The following KLHL29 variants were observed in gnomAD, a reference collection of about 807,000 sequenced individuals.
KLHL29 encodes the protein kelch like family member 29, also known as kelch-like protein 29.
In KLHL29, 21 loss-of-function variants were observed where a neutral mutation model predicts 80.4. That is an observed-to-expected ratio of 0.26 (90% CI 0.19 to 0.38). The LOEUF (loss-of-function observed/expected upper bound fraction) is 0.38. Ranked by LOEUF, KLHL29 falls within the 10% of genes least tolerant of loss-of-function variation. KLHL29 has a pLI of 1.00. For synonymous variants in KLHL29, 511 were observed against 526.8 expected (o/e 0.97, Z 0.41); for missense variants, 867 against 1,223.9 (o/e 0.71, Z 4.35).
chr2:23,628,965 C>T (rs1449080044), intron 3 of KLHL29, among the ~76,000 whole-genome samples: 1 of 152,204 alleles, frequency 6.6e-6, no homozygotes, highest in East Asian at 1.9e-4. Context: ...CAGGGGCTGC[C>T]CCTGCCGTGC....
At chr2:23,493,478 C>T (rs1665164290) in intron 2 of KLHL29, among the ~76,000 whole-genome samples, 1 of 152,126 alleles carries the variant, frequency 6.6e-6, no homozygotes, top group African/African-American at 2.4e-5. Context: ...AGATGGTGTA[C>T]ATTGTACGAT....
intron 3 of KLHL29, among the ~76,000 whole-genome samples, chr2:23,591,804 C>T (rs1187581162): frequency 6.6e-6 from 1 of 152,238 alleles, no homozygotes; most frequent in Non-Finnish European, 1.5e-5. Context: ...CCAACCTCAT[C>T]TGCTGCCCAC....
chr2:23,422,491 G>A (rs1224661480), intron 1 of KLHL29, among the ~76,000 whole-genome samples: 1 of 150,560 alleles, frequency 6.6e-6, no homozygotes, highest in Non-Finnish European at 1.5e-5. Flanking sequence ...GTGTCCCTGT[G>A]TGTCTGCCTC....
intron 3 of KLHL29, among the ~76,000 whole-genome samples, chr2:23,628,677 G>A (rs531875373): frequency 6.6e-6 from 1 of 152,328 alleles, no homozygotes; most frequent in African/African-American, 2.4e-5. Context: ...AATGTTGGGT[G>A]TTCAGACTGT....
chr2:23,392,114 T>C (rs2103382984), intron 1 of KLHL29, among the ~76,000 whole-genome samples: 1 of 152,310 alleles, frequency 6.6e-6, no homozygotes, highest in East Asian at 1.9e-4. Context: ...TGAAAACAGA[T>C]AACCTCCATA....
chr2:23,517,321 G>C (rs1031762023), intron 2 of KLHL29, among the ~76,000 whole-genome samples: 26 of 152,354 alleles, frequency 1.7e-4, no homozygotes, highest in African/African-American at 6.3e-4. Flanking sequence ...GAGGCGGGTG[G>C]ATCATGAGGT....
chr2:23,553,773 A>G (rs937083131), intron 2 of KLHL29, among the ~76,000 whole-genome samples: 1 of 152,134 alleles, frequency 6.6e-6, no homozygotes, highest in Non-Finnish European at 1.5e-5. Context: ...TGGTCTGCCA[A>G]ATGTTCCCTG....
intron 1 of KLHL29, among the ~76,000 whole-genome samples, chr2:23,445,415 C>A (rs1365814123): frequency 6.6e-6 from 1 of 152,146 alleles, no homozygotes; most frequent in Admixed American, 6.5e-5. Context: ...TTAATATAGC[C>A]TTGAAATCCC....
At chr2:23,442,820 G>GT (rs1663569442) in intron 1 of KLHL29, among the ~76,000 whole-genome samples, 1 of 152,186 alleles carries the variant, frequency 6.6e-6, no homozygotes, top group Non-Finnish European at 1.5e-5. Flanking sequence ...TGTCACCAAA[G>GT]TAACAGTCCA....
intron 1 of KLHL29, among the ~76,000 whole-genome samples, chr2:23,448,301 C>T (rs2577738): frequency 1.3e-3 from 200 of 152,246 alleles, no homozygotes; most frequent in South Asian, 3.3e-3. Flanking sequence ...TTTCCTTATT[C>T]CAGGCACTGT....
At chr2:23,386,793 G>A (rs1327523309) in intron 1 of KLHL29, among the ~76,000 whole-genome samples, 1 of 152,084 alleles carries the variant, frequency 6.6e-6, no homozygotes, top group Non-Finnish European at 1.5e-5. Flanking sequence ...GCTGGGAGCC[G>A]GGGTAGGTCG....
intron 1 of KLHL29, among the ~76,000 whole-genome samples, chr2:23,454,505 T>C (rs1572330970): frequency 6.6e-6 from 1 of 152,258 alleles, no homozygotes; most frequent in South Asian, 2.1e-4. Context: ...GTCTATAAAT[T>C]GTATAGTCTT....
At chr2:23,518,584 C>T (rs116214418) in intron 2 of KLHL29, among the ~76,000 whole-genome samples, 1 of 152,192 alleles carries the variant, frequency 6.6e-6, no homozygotes, top group African/African-American at 2.4e-5. Context: ...CGGGAAGGCT[C>T]TGTGCACCTT....
At position 23,623,063 on chromosome 2, in the gene KLHL29, TGAG is replaced by T. The variant is rs990267577; in HGVS notation, c.286-16071_286-16069del. Among the ~76,000 whole-genome samples the T allele has an allele frequency of 8.6e-5, 13 of 152,012 alleles. 1 individual carries two copies. Among genetic ancestry groups the T allele is most frequent in the Admixed American group, 2.6e-4 (4 of 15,272 alleles). ...TGAGACAGGCTTCTGCACGGTGACATGAGGAGGTGACAAGAGCTGGTCACAGGT... is the reference window on the plus strand; with the variant it reads ...TGAGACAGGCTTCTGCACGGTGACATGAGGTGACAAGAGCTGGTCACAGGT... On this transcript the variant is annotated intron_variant, in intron 3 of 13. Transcript: ENST00000486442.
chr2:23,415,950 G>A (rs1429588652), intron 1 of KLHL29, among the ~76,000 whole-genome samples: 1 of 152,164 alleles, frequency 6.6e-6, no homozygotes, highest in African/African-American at 2.4e-5. Flanking sequence ...TGGGTGAAGT[G>A]TGTAATCAAT....
chr2:23,585,918 G>A (rs986575898), intron 3 of KLHL29, among the ~76,000 whole-genome samples: 4 of 152,218 alleles, frequency 2.6e-5, no homozygotes, highest in East Asian at 1.9e-4. Flanking sequence ...AAGCTCAGGA[G>A]GATATGCTGT....
Position 23,693,542 on chromosome 2 carries a change from T to C in KLHL29, c.1542+14T>C. Reference sequence around the variant, plus strand: ...ACACGCACACAGGTGGGGCCTGCCCTGTCCCCCGCCCCTTCTCTCTGGGTT... The same window carrying C: ...ACACGCACACAGGTGGGGCCTGCCCCGTCCCCCGCCCCTTCTCTCTGGGTT... On this transcript the variant is annotated intron_variant, in intron 8 of 13. Coordinates refer to ENST00000486442, the MANE Select transcript of KLHL29 (RefSeq NM_052920.2). The C allele has an allele frequency of 6.5e-7, 1 of 1,541,966 alleles. No homozygotes were observed. Among genetic ancestry groups the C allele is most frequent in the Non-Finnish European group, 8.8e-7 (1 of 1,138,968 alleles).
In KLHL29 at chr2:23,670,917, G is replaced by GCGCGCACTCT. The variant is rs150131401; in HGVS notation, c.941-13481_941-13480insGCGCACTCTC. On this transcript the variant is annotated intron_variant, in intron 5 of 13. Coordinates refer to ENST00000486442, the MANE Select transcript of KLHL29 (RefSeq NM_052920.2). ...GAGGGGTCTCTACACACATGCACGC[G>GCGCGCACTCT]CTCTCTCTCTCTCTCTCTCTCTCTC... is the stretch of plus-strand genomic sequence containing the variant. Among the ~76,000 whole-genome samples the GCGCGCACTCT allele has an allele frequency of 2.2e-3, 40 of 18,566 alleles. 4 individuals carry two copies. Among genetic ancestry groups the GCGCGCACTCT allele is most frequent in the South Asian group, 9.4e-3 (3 of 318 alleles). The allele number at this position is 18,566 out of a possible 152,430, so 12.2% of individuals were successfully genotyped here. A position where few individuals can be genotyped will look rare whatever the true frequency, so the allele number is the denominator to read the frequency against.
intron 2 of KLHL29, among the ~76,000 whole-genome samples, chr2:23,483,795 C>G (rs780177219): frequency 3.9e-5 from 6 of 152,208 alleles, no homozygotes; most frequent in Non-Finnish European, 7.3e-5. Flanking sequence ...CACAGCCCAT[C>G]AGGCAGAGCA....
Sources: allele counts gnomAD v4.1 joint callset (sites outside exome capture counted in the v4.1 genomes callset), GRCh38; gene constraint gnomAD v4.1.1; transcripts MANE v1.5; gene names NCBI Gene and HGNC (gene_info 2026-07-23, HGNC 2026-07-21).